DAPK1: variants seen among roughly 807,000 people sequenced by gnomAD.
DAPK1 encodes the protein death associated protein kinase 1, also known as death-associated protein kinase 1.
A neutral mutation model predicts 144.9 loss-of-function variants in DAPK1; 56 were observed. The ratio of observed to expected loss-of-function variants is 0.39; its 90% CI spans 0.31 to 0.48. The LOEUF (loss-of-function observed/expected upper bound fraction) is 0.48, where lower values mean the gene tolerates loss of function less well. DAPK1 is among the 20% of genes least tolerant of loss of function. The probability of loss-of-function intolerance (pLI) is 0.95; values close to 1 mark genes in which losing one functional copy is unlikely to be tolerated. For synonymous variants in DAPK1, 690 were observed against 749.0 expected (o/e 0.92, Z 1.29); for missense variants, 1,454 against 1,875.4 (o/e 0.78, Z 4.15).
chr9:87,552,072 C>G (rs1283620621), intron 2 of DAPK1, among the ~76,000 whole-genome samples: 1 of 152,140 alleles, frequency 6.6e-6, no homozygotes, highest in Non-Finnish European at 1.5e-5. Flanking sequence ...GGCTGGCTCA[C>G]CTTTCAGGCT....
intron 3 of DAPK1, among the ~76,000 whole-genome samples, chr9:87,621,512 GTC>G (rs1436675299): frequency 6.6e-6 from 1 of 152,192 alleles, no homozygotes; most frequent in Non-Finnish European, 1.5e-5. Context: ...GGAGGAAAGA[GTC>G]TTCATCGTCT....
At chr9:87,673,121 G>A (rs1038075465) in intron 19 of DAPK1, among the ~76,000 whole-genome samples, 1 of 152,092 alleles carries the variant, frequency 6.6e-6, no homozygotes, top group African/African-American at 2.4e-5. Context: ...CTTGTCCCTG[G>A]CCTCCAAGCA....
intron 2 of DAPK1, among the ~76,000 whole-genome samples, chr9:87,599,653 A>G (rs918862113): frequency 2.6e-5 from 4 of 152,228 alleles, no homozygotes; most frequent in African/African-American, 9.6e-5. Flanking sequence ...TGTGATGTCT[A>G]TATCTAATGC....
chr9:87,670,209 C>T (rs1004241179), intron 19 of DAPK1, among the ~76,000 whole-genome samples: 14 of 151,888 alleles, frequency 9.2e-5, no homozygotes, highest in African/African-American at 1.2e-4. Flanking sequence ...TCCCGTGAGT[C>T]GTGGTTACCA....
intron 2 of DAPK1, among the ~76,000 whole-genome samples, chr9:87,571,860 C>T (rs920096418): frequency 2.0e-5 from 3 of 152,222 alleles, no homozygotes; most frequent in African/African-American, 7.2e-5. Flanking sequence ...GGCCTCTCTC[C>T]TTCTGAGGGG....
At chr9:87,636,866 C>T (rs1564035376) in intron 3 of DAPK1, among the ~76,000 whole-genome samples, 1 of 152,170 alleles carries the variant, frequency 6.6e-6, no homozygotes, top group Non-Finnish European at 1.5e-5. Flanking sequence ...ATTTGCCATT[C>T]ATCGCTATCG....
chr9:87,577,478 G>A (rs1225592587), intron 2 of DAPK1, among the ~76,000 whole-genome samples: 1 of 152,138 alleles, frequency 6.6e-6, no homozygotes, highest in East Asian at 1.9e-4. Context: ...CTGGGGCAGA[G>A]CCCAGGCACG....
chr9:87,681,722 T>C (rs1463733335), intron 20 of DAPK1, 96 bp downstream of exon 20: 1 of 739,966 alleles, frequency 1.4e-6, no homozygotes, highest in Non-Finnish European at 2.4e-6. Flanking sequence ...TGTGTTTGGG[T>C]CACTTGGCCT....
At chr9:87,558,924 C>T (rs189916356) in intron 2 of DAPK1, among the ~76,000 whole-genome samples, 1 of 152,320 alleles carries the variant, frequency 6.6e-6, no homozygotes, top group Non-Finnish European at 1.5e-5. Flanking sequence ...AGTGGGGCAT[C>T]AGGGAGGTAC....
At chr9:87,674,993 GAC>G (rs1824310505) in intron 19 of DAPK1, among the ~76,000 whole-genome samples, 1 of 152,288 alleles carries the variant, frequency 6.6e-6, no homozygotes, top group South Asian at 2.1e-4. Context: ...GCACTGCAGA[GAC>G]CACAGTGAAC....
In DAPK1 at chr9:87,700,220, C is replaced by T. The variant is rs749723265; in HGVS notation, c.2854C>T (p.Arg952Ter). ...ACTTCGAAATCATCTGCAAGAAATACGAAGCCAGATTGTTTCGGTAAGTAC... is the reference window on the plus strand; with the variant it reads ...ACTTCGAAATCATCTGCAAGAAATATGAAGCCAGATTGTTTCGGTAAGTAC... The part of the protein sequence containing the change: ...KVLRNHLQEI[R>*]SQIVSVCPPM... The change falls in exon 24 of 26, where the codon CGA becomes TGA. Residue 952 changes from arginine to a stop codon, truncating the protein, a stop_gained. Transcript: ENST00000408954. LOFTEE classifies it high-confidence loss of function. 4 of 1,610,700 alleles carry T rather than the reference C, an allele frequency of 2.5e-6. No homozygotes were observed. Among genetic ancestry groups the T allele is most frequent in the Non-Finnish European group, 3.4e-6 (4 of 1,176,872 alleles).
chr9:87,701,604 G>A (rs180940710), intron 24 of DAPK1, among the ~76,000 whole-genome samples: 3 of 152,234 alleles, frequency 2.0e-5, no homozygotes, highest in African/African-American at 2.4e-5. Context: ...AAGGGCGAGC[G>A]TCCCAGTGGA....
At chr9:87,550,983 A>G (rs1216087762) in intron 2 of DAPK1, among the ~76,000 whole-genome samples, 1 of 152,158 alleles carries the variant, frequency 6.6e-6, no homozygotes, top group Non-Finnish European at 1.5e-5. Flanking sequence ...ACACATGTGG[A>G]AGGATGGTCC....
At chr9:87,654,440 T>G (rs1302106289) in intron 17 of DAPK1, among the ~76,000 whole-genome samples, 1 of 152,250 alleles carries the variant, frequency 6.6e-6, no homozygotes, top group Non-Finnish European at 1.5e-5. Context: ...TATACTTTTA[T>G]GTACACTTAT....
intron 19 of DAPK1, among the ~76,000 whole-genome samples, chr9:87,671,443 A>G (rs756677821): frequency 6.6e-6 from 1 of 151,942 alleles, no homozygotes; most frequent in Non-Finnish European, 1.5e-5. Flanking sequence ...GTGTTTTACC[A>G]TTATCCTGTG....
chr9:87,602,877 C>T (rs1279297782), intron 2 of DAPK1, among the ~76,000 whole-genome samples: 3 of 151,896 alleles, frequency 2.0e-5, no homozygotes, highest in Non-Finnish European at 4.4e-5. Context: ...CATGATCCAC[C>T]CACCTCGGCC....
At chr9:87,536,092 A>G (rs1045042) in intron 2 of DAPK1, among the ~76,000 whole-genome samples, 68,157 of 151,974 alleles carry the variant, frequency 0.45, 15,564 homozygotes, top group South Asian at 0.58. Flanking sequence ...CTTGTTTTCT[A>G]AGTTAGTATA....
At chr9:87,558,549 G>A (rs980871689) in intron 2 of DAPK1, among the ~76,000 whole-genome samples, 1 of 152,116 alleles carries the variant, frequency 6.6e-6, no homozygotes, top group Non-Finnish European at 1.5e-5. Context: ...TACACAAGCT[G>A]TAAGGTGGTC....
At chr9:87,631,985 A>G (rs1829703753) in intron 3 of DAPK1, 6 of 707,332 alleles carry the variant, frequency 8.5e-6, no homozygotes, top group Non-Finnish European at 8.7e-6. Context: ...TGTAGAAATA[A>G]AGGAAGATGA....
Sources: gnomAD v4.1 joint callset for allele counts (sites outside exome capture counted in the v4.1 genomes callset) on GRCh38, gnomAD v4.1.1 for gene constraint, MANE v1.5 for transcripts, NCBI Gene and HGNC (gene_info 2026-07-23, HGNC 2026-07-21) for gene names.